The following CCNT1 variants were observed in gnomAD, a reference collection of about 807,000 sequenced individuals.
CCNT1 encodes cyclin-T1.
CCNT1 carries 18 observed loss-of-function variants against 67.3 expected under a neutral mutation model. The observed-to-expected ratio is 0.27, with a 90% CI of 0.18 to 0.40. The LOEUF (loss-of-function observed/expected upper bound fraction) is 0.40, where lower values mean the gene tolerates loss of function less well. Among genes scored for constraint, CCNT1 ranks in the 10% least tolerant of loss-of-function variants. The pLI is 1.00. For missense variants in CCNT1, 744 were observed against 884.9 expected (o/e 0.84, Z 2.02); for synonymous variants, 333 against 310.3 (o/e 1.07, Z -0.77).
intron 2 of CCNT1, among the ~76,000 whole-genome samples, chr12:48,706,520 T>C (rs1233732916): frequency 6.6e-6 from 1 of 152,202 alleles, no homozygotes; most frequent in African/African-American, 2.4e-5. Context: ...CAAGACATTA[T>C]TTATAGAAAG....
chr12:48,695,839 A>T lies in CCNT1; in HGVS notation c.707-10T>A, dbSNP rs1940160851. 6.2e-7 allele frequency: 1 copy of T among 1,601,218 alleles called. No individual in the cohort carries two copies. Among genetic ancestry groups the T allele is most frequent in the Admixed American group, 1.7e-5 (1 of 59,880 alleles). On this transcript the variant is annotated splice_polypyrimidine_tract_variant and intron_variant, in intron 7 of 8. Transcript: ENST00000261900. ...AACTCATGTGTCAGTTCTACAAGTA[A>T]AACAGAACATTCAAGAAAGACTGAG...
At chr12:48,715,735 T>C (rs1483721850) in intron 1 of CCNT1, among the ~76,000 whole-genome samples, 3 of 152,192 alleles carry the variant, frequency 2.0e-5, no homozygotes. Flanking sequence ...AGTGCAGAGA[T>C]TACAGGCGTG....
chr12:48,696,892 G>A (rs539917635), intron 6 of CCNT1, among the ~76,000 whole-genome samples: 2 of 152,174 alleles, frequency 1.3e-5, no homozygotes, highest in South Asian at 4.1e-4. Flanking sequence ...CAGTGCAGTG[G>A]GGCAATCTCG....
Position 48,696,454 on chromosome 12 carries a change from T to C in CCNT1, c.543-292A>G, listed in dbSNP as rs531173047. On this transcript the variant is annotated intron_variant, in intron 6 of 8. Transcript: ENST00000261900. ...AAAAAAAGGAAAAAAGGAAAAAGGCTGGGAATTCAAGTTCTTTAAAACATT... is the reference window on the plus strand; with the variant it reads ...AAAAAAAGGAAAAAAGGAAAAAGGCCGGGAATTCAAGTTCTTTAAAACATT... 1.4e-3 allele frequency among the ~76,000 whole-genome samples: 216 copies of C among 149,386 alleles called. 1 individual carries two copies. Among genetic ancestry groups the C allele is most frequent in the African/African-American group, 5.1e-3 (207 of 40,872 alleles).
Position 48,690,839 on chromosome 12 carries a change from T to TA in CCNT1, c.*2193dup, listed in dbSNP as rs749892587. ...ATATGTGACATTTGATGAGAGTAAC[T>TA]AAAAGCTGGAAAAGACATTTTTCAA... is the stretch of plus-strand genomic sequence containing the variant. On this transcript the variant is annotated 3_prime_UTR_variant, in exon 9 of 9. Coordinates refer to ENST00000261900, the MANE Select transcript of CCNT1 (RefSeq NM_001240.4). 1.7e-4 allele frequency: 26 copies of TA among 152,162 alleles called. No homozygotes were observed. The highest frequency in any genetic ancestry group is 2.4e-4 in the African/African-American group (10 of 41,442). The allele number at this position is 152,162 out of a possible 1,614,324, so 9.4% of individuals were successfully genotyped here.
rs767245574 is a variant in CCNT1 at position 48,693,653 on chromosome 12, G to T, written c.1561C>A (p.His521Asn). 113 of 1,600,614 alleles carry T rather than the reference G, an allele frequency of 7.1e-5. 1 individual carries two copies. The Middle Eastern group carries it at 1.3e-3, about 19-fold the overall frequency. Residue 521 changes from histidine (H) to asparagine (N), a missense_variant, in exon 9 of 9, where the codon CAT becomes AAT. By Grantham distance (68) the His-to-Asn change is moderately conservative. Around this residue, in one of 3 missense-constraint regions of CCNT1, gnomAD observed 564 missense variants for 574.2 expected, o/e 0.98. Transcript: ENST00000261900. ...KTHPSNHHHH[H>N]NHHSHKHSHS... ...GAGTGCTTGTGTGAGTGGTGATTAT[G>T]ATGATGATGATGATTAGATGGGTGA...
intron 2 of CCNT1, among the ~76,000 whole-genome samples, chr12:48,713,047 G>A (rs891248093): frequency 6.6e-6 from 1 of 151,960 alleles, no homozygotes; most frequent in East Asian, 1.9e-4. Context: ...ATATCACTAT[G>A]CATTCAATTC....
intron 2 of CCNT1, among the ~76,000 whole-genome samples, chr12:48,710,411 A>G (rs1231596163): frequency 2.0e-5 from 3 of 152,198 alleles, no homozygotes; most frequent in Non-Finnish European, 4.4e-5. Flanking sequence ...AATGTGCCTA[A>G]AATCAATCCT....
intron 6 of CCNT1, among the ~76,000 whole-genome samples, chr12:48,696,863 C>G (rs1161577152): frequency 6.6e-6 from 1 of 152,164 alleles, no homozygotes; most frequent in African/African-American, 2.4e-5. Context: ...CAGAGTCTCT[C>G]TCTCTGTCAC....
chr12:48,698,001 A>G (rs540117555), intron 6 of CCNT1, 137 bp downstream of exon 6: 1 of 530,418 alleles, frequency 1.9e-6, no homozygotes, highest in African/African-American at 2.0e-5. Context: ...AAAAAGTACC[A>G]TGGAAATTTA....
In CCNT1 at chr12:48,692,520, T is replaced by C. The variant is rs557973500; in HGVS notation, c.*513A>G. 3 of 145,688 alleles carry C rather than the reference T, an allele frequency of 2.1e-5. No homozygotes were observed. The highest frequency in any genetic ancestry group is 2.3e-4 in the East Asian group (1 of 4,364). 9.0% of individuals were successfully genotyped at this position (145,688 alleles called of 1,614,324 possible). ...TCCCACCCACCAGGAGTTACTGCTA[T>C]GTATCATATACACACAGCAAAATCC... On this transcript the variant is annotated 3_prime_UTR_variant, in exon 9 of 9. Coordinates refer to ENST00000261900, the MANE Select transcript of CCNT1 (RefSeq NM_001240.4).
intron 4 of CCNT1, among the ~76,000 whole-genome samples, chr12:48,700,606 C>A (rs1452461178): frequency 6.6e-6 from 1 of 152,162 alleles, no homozygotes; most frequent in African/African-American, 2.4e-5. Context: ...CATGCAACCA[C>A]TAAAGCTTAA....
Position 48,693,038 on chromosome 12 carries a change from T to C in CCNT1, c.2176A>G (p.Lys726Glu). 1 of 1,541,020 alleles carries C rather than the reference T, an allele frequency of 6.5e-7. No individual in the cohort carries two copies. Among genetic ancestry groups the C allele is most frequent in the Non-Finnish European group, 8.8e-7 (1 of 1,137,352 alleles). ...CTCCTCTTCTTTTTCTTTTTTTACT[T>C]AGGAAGGGGTGGAAGTGGTGGAGGA... Reference protein sequence around the residue: ...EPPPPLPPLPK With the variant: ...EPPPPLPPLPE The change falls in exon 9 of 9, where the codon AAG (lysine) becomes GAG (glutamate). Residue 726 changes from lysine (K) to glutamate (E), a missense_variant. Transcript: ENST00000261900.
chr12:48,713,444 G>A (rs1470710388), intron 2 of CCNT1, among the ~76,000 whole-genome samples: 1 of 152,144 alleles, frequency 6.6e-6, no homozygotes, highest in Non-Finnish European at 1.5e-5. Flanking sequence ...GAAAATCTAA[G>A]TAACTTACAT....
rs1161833630 is a variant in CCNT1, at chr12:48,689,589, G to A, written c.*3444C>T. On this transcript the variant is annotated 3_prime_UTR_variant, in exon 9 of 9. Transcript: ENST00000261900. ...TGCTTAAATTCTCCCAAGACCAAAA[G>A]AATAAAATTTGTATTTCAACTGCAA... 1 of 152,122 alleles carries A rather than the reference G, an allele frequency of 6.6e-6. No individual in the cohort carries two copies. Among genetic ancestry groups the A allele is most frequent in the African/African-American group, 2.4e-5 (1 of 41,428 alleles). 9.4% of individuals were successfully genotyped at this position (152,122 alleles called of 1,614,324 possible).
At position 48,692,324 on chromosome 12, in the gene CCNT1, G is replaced by A. The variant is rs1345555895; in HGVS notation, c.*709C>T. ...GACTGTTGGAAAATGAAAACGGTAA[G>A]GAACAGGGAGGGAAGATAAAACATT... is the stretch of plus-strand genomic sequence containing the variant. On this transcript the variant is annotated 3_prime_UTR_variant, in exon 9 of 9. Transcript: ENST00000261900. 1 of 152,066 alleles carries A rather than the reference G, an allele frequency of 6.6e-6. No individual in the cohort carries two copies. Among genetic ancestry groups the A allele is most frequent in the Non-Finnish European group, 1.5e-5 (1 of 68,010 alleles). 9.4% of individuals were successfully genotyped at this position (152,066 alleles called of 1,614,324 possible).
chr12:48,694,183 T>G lies in CCNT1; in HGVS notation c.1031A>C (p.Glu344Ala), dbSNP rs1382557666. ...WLSSQPSFKL[E>A]PTQGHRTSEN... The stretch of plus-strand genomic sequence containing the variant: ...ACTAGTCCGATGACCCTGAGTAGGT[T>G]CTAGTTTGAAAGAAGGTTGGGAGGA... The change falls in exon 9 of 9, where the codon GAA (glutamate) becomes GCA (alanine). Residue 344 changes from glutamate (E) to alanine (A), a missense_variant. Physicochemically the swap from Glu to Ala is moderately radical, Grantham distance 107 (BLOSUM62 -1). This residue lies in a region of CCNT1 where 564 missense variants were observed against 574.2 expected (regional missense o/e 0.98). Transcript: ENST00000261900. The G allele has an allele frequency of 1.9e-6, 3 of 1,614,178 alleles. No homozygotes were observed. In the South Asian group the frequency reaches 3.3e-5, roughly 18 times the overall value.
chr12:48,716,366 A>C (rs1697286437), intron 1 of CCNT1, 149 bp downstream of exon 1: 1 of 703,672 alleles, frequency 1.4e-6, no homozygotes, highest in African/African-American at 1.8e-5. Flanking sequence ...ACTGAGTTTC[A>C]GCCCGCCCCA....
In CCNT1 at chr12:48,701,008, C is replaced by T. The variant is rs750573853; in HGVS notation, c.433+5G>A. ...AAAAAATGTTTCAAAGGAAAATAAA[C>T]TTACCTAAAGTCTGCAAAATTATGC... On this transcript the variant is annotated splice_donor_5th_base_variant and intron_variant, in intron 4 of 8. Coordinates refer to ENST00000261900, the MANE Select transcript of CCNT1 (RefSeq NM_001240.4). The T allele has an allele frequency of 3.3e-6, 5 of 1,513,338 alleles. No individual in the cohort carries two copies. Among genetic ancestry groups the T allele is most frequent in the South Asian group, 1.2e-5 (1 of 82,302 alleles). The allele number at this position is 1,513,338 out of a possible 1,614,324, so 93.7% of individuals were successfully genotyped here.
Sources: allele counts gnomAD v4.1 joint callset (sites outside exome capture counted in the v4.1 genomes callset), GRCh38; gene constraint gnomAD v4.1.1; regional missense constraint gnomAD v4.1.1; transcripts MANE v1.5; gene names NCBI Gene and HGNC (gene_info 2026-07-23, HGNC 2026-07-21).